Variants in AFAP1L2 observed in about 807,000 individuals in gnomAD.
AFAP1L2 encodes actin filament associated protein 1 like 2, also known as actin filament-associated protein 1-like 2.
AFAP1L2 carries 46 observed loss-of-function variants against 99.3 expected under a neutral mutation model. The observed-to-expected ratio is 0.46, with a 90% CI of 0.37 to 0.59. The LOEUF is 0.59. AFAP1L2 is among the 20% of genes least tolerant of loss of function. The pLI is 0.00. For missense variants in AFAP1L2, 959 were observed against 1,034.9 expected (o/e 0.93, Z 1.01); for synonymous variants, 397 against 419.1 (o/e 0.95, Z 0.64).
intron 2 of AFAP1L2, among the ~76,000 whole-genome samples, chr10:114,334,393 T>G (rs1462696732): frequency 6.6e-6 from 1 of 152,246 alleles, no homozygotes; most frequent in African/African-American, 2.4e-5. Flanking sequence ...TAGAAACTTG[T>G]GGCTGATAAA....
chr10:114,326,097 G>A, intron 4 of AFAP1L2: 1 of 1,246,602 alleles, frequency 8.0e-7, no homozygotes, highest in Non-Finnish European at 1.0e-6. Flanking sequence ...CTCCCCATGG[G>A]TCATCATCAC....
intron 1 of AFAP1L2, among the ~76,000 whole-genome samples, chr10:114,345,527 T>G (rs547723480): frequency 2.0e-5 from 3 of 152,308 alleles, no homozygotes; most frequent in Admixed American, 1.3e-4. Context: ...TGCCATCAGC[T>G]GTGCCCCTAC....
intron 18 of AFAP1L2, 106 bp downstream of exon 18, chr10:114,296,872 C>G: frequency 6.3e-7 from 1 of 1,586,710 alleles, no homozygotes; most frequent in Non-Finnish European, 8.6e-7. Flanking sequence ...AGCCCTTGCT[C>G]AGAGCTGGTG....
chr10:114,369,194 C>T (rs982435037), intron 1 of AFAP1L2, among the ~76,000 whole-genome samples: 15 of 152,094 alleles, frequency 9.9e-5, no homozygotes, highest in African/African-American at 2.4e-4. Flanking sequence ...TAGTAACTCA[C>T]GCTTGTAATC....
chr10:114,294,018 G>T (rs966170039), downstream of AFAP1L2, among the ~76,000 whole-genome samples: 1 of 152,082 alleles, frequency 6.6e-6, no homozygotes, highest in Non-Finnish European at 1.5e-5. Context: ...TGAGATTTAT[G>T]GTATGCTTTT....
chr10:114,342,688 G>T (rs1449127984), intron 1 of AFAP1L2, among the ~76,000 whole-genome samples: 1 of 152,226 alleles, frequency 6.6e-6, no homozygotes, highest in African/African-American at 2.4e-5. Context: ...TCTGGAAAAG[G>T]TGAAGAAGTA....
chr10:114,389,616 G>A (rs78083264), intron 1 of AFAP1L2, among the ~76,000 whole-genome samples: 71 of 152,306 alleles, frequency 4.7e-4, no homozygotes, highest in Non-Finnish European at 9.7e-4. Flanking sequence ...AGAATGGCTG[G>A]AGGTGACTGA....
Position 114,332,553 on chromosome 10 carries a change from C to T in AFAP1L2, c.221-656G>A, listed in dbSNP as rs115436740. ...TGCTTTGCCATGCTGTGTTCCCACC[C>T]CTCTCTAAGCCTTTGTGGTTAAGTC... On this transcript the variant is annotated intron_variant, in intron 3 of 18. Coordinates refer to ENST00000304129, the MANE Select transcript of AFAP1L2 (RefSeq NM_001001936.3). Among the ~76,000 whole-genome samples the T allele has an allele frequency of 6.6e-3, 1,006 of 152,336 alleles. 11 individuals are homozygous for T. Among genetic ancestry groups the T allele is most frequent in the African/African-American group, 0.023 (970 of 41,582 alleles).
At chr10:114,290,038 C>A (rs2039410428), downstream of AFAP1L2, 1 of 536,576 alleles carries the variant, frequency 1.9e-6, no homozygotes, top group Non-Finnish European at 3.2e-6. Flanking sequence ...CACGTCTGAG[C>A]AATGGACTCT....
chr10:114,324,063 C>T (rs556811235), intron 4 of AFAP1L2, among the ~76,000 whole-genome samples: 18 of 152,308 alleles, frequency 1.2e-4, no homozygotes, highest in East Asian at 3.9e-4. Flanking sequence ...AAGCACAGAA[C>T]GTGAAATCAT....
intron 1 of AFAP1L2, among the ~76,000 whole-genome samples, chr10:114,371,426 T>C (rs1401913640): frequency 1.3e-5 from 2 of 152,116 alleles, no homozygotes; most frequent in Non-Finnish European, 2.9e-5. Context: ...GAAAGTAGAC[T>C]GGCAGGGCAA....
intron 5 of AFAP1L2, among the ~76,000 whole-genome samples, chr10:114,318,936 T>G (rs900990587): frequency 6.6e-6 from 1 of 151,882 alleles, no homozygotes; most frequent in Admixed American, 6.6e-5. Flanking sequence ...GGCAGATCAC[T>G]TGAGGCCAGG....
At chr10:114,371,542 A>G (rs1301219562) in intron 1 of AFAP1L2, among the ~76,000 whole-genome samples, 1 of 152,156 alleles carries the variant, frequency 6.6e-6, no homozygotes, top group Non-Finnish European at 1.5e-5. Context: ...AAAAAAACAA[A>G]TACAAATAAA....
chr10:114,360,753 C>A (rs1288789314), intron 1 of AFAP1L2, among the ~76,000 whole-genome samples: 3 of 152,288 alleles, frequency 2.0e-5, no homozygotes, highest in African/African-American at 7.2e-5. Flanking sequence ...CCTAAAACTT[C>A]CTAGGTACTT....
intron 1 of AFAP1L2, among the ~76,000 whole-genome samples, chr10:114,380,488 C>T (rs1165996458): frequency 6.6e-6 from 1 of 152,184 alleles, no homozygotes; most frequent in Non-Finnish European, 1.5e-5. Context: ...TTATTCATTA[C>T]AAGCTTCTAG....
intron 1 of AFAP1L2, among the ~76,000 whole-genome samples, chr10:114,356,019 T>C (rs547274115): frequency 2.4e-4 from 37 of 152,302 alleles, no homozygotes; most frequent in African/African-American, 8.7e-4. Flanking sequence ...AGTGTGTGCA[T>C]AGGTGTGTGT....
intron 12 of AFAP1L2, 181 bp from the exon 13 acceptor site, chr10:114,301,646 T>C (rs1043046720): frequency 3.8e-5 from 22 of 578,630 alleles, no homozygotes; most frequent in Non-Finnish European, 6.5e-5. Flanking sequence ...CCCAGTGCCT[T>C]CTTCCTGAAA....
At chr10:114,364,588 G>A (rs1345403198) in intron 1 of AFAP1L2, among the ~76,000 whole-genome samples, 1 of 152,112 alleles carries the variant, frequency 6.6e-6, no homozygotes, top group Non-Finnish European at 1.5e-5. Context: ...CGGGATAAGT[G>A]CCCGCCCTAA....
At chr10:114,388,974 A>G (rs1590813049) in intron 1 of AFAP1L2, among the ~76,000 whole-genome samples, 1 of 152,360 alleles carries the variant, frequency 6.6e-6, no homozygotes. Flanking sequence ...CATCCAGGGC[A>G]TGAGAAAGAA....
Sources: gnomAD v4.1 joint callset for allele counts (sites outside exome capture counted in the v4.1 genomes callset) on GRCh38, gnomAD v4.1.1 for gene constraint, MANE v1.5 for transcripts, NCBI Gene and HGNC (gene_info 2026-07-23, HGNC 2026-07-21) for gene names.